The following NCK2 variants were observed in gnomAD, a reference collection of about 807,000 sequenced individuals.
The protein encoded by NCK2 is cytoplasmic protein NCK2.
In NCK2, 16 loss-of-function variants were observed where a neutral mutation model predicts 33.9. The ratio of observed to expected loss-of-function variants is 0.47; its 90% CI spans 0.32 to 0.72. The LOEUF (loss-of-function observed/expected upper bound fraction) is 0.72. Among genes scored for constraint, NCK2 ranks in the 30% least tolerant of loss-of-function variants. The pLI, the probability that NCK2 is intolerant of heterozygous loss-of-function variation, is 0.03. For synonymous variants in NCK2, 273 were observed against 239.9 expected (o/e 1.14, Z -1.27); for missense variants, 418 against 537.3 (o/e 0.78, Z 2.19).
chr2:105,780,997 T>A (rs1690476507), intron 1 of NCK2, among the ~76,000 whole-genome samples: 1 of 152,242 alleles, frequency 6.6e-6, no homozygotes, highest in Non-Finnish European at 1.5e-5. Context: ...TGACCCTCTC[T>A]TTTCTCATTG....
intron 2 of NCK2, among the ~76,000 whole-genome samples, chr2:105,826,806 A>T (rs186074463): frequency 6.6e-6 from 1 of 151,636 alleles, no homozygotes; most frequent in Admixed American, 6.6e-5. Context: ...ATATATGTGT[A>T]TATATATATA....
At chr2:105,817,670 A>G (rs1675547491) in intron 2 of NCK2, among the ~76,000 whole-genome samples, 1 of 152,242 alleles carries the variant, frequency 6.6e-6, no homozygotes, top group South Asian at 2.1e-4. Flanking sequence ...CAAAAGGCAC[A>G]TGAAAAAATG....
intron 1 of NCK2, among the ~76,000 whole-genome samples, chr2:105,795,863 G>A (rs898976993): frequency 2.0e-5 from 3 of 151,862 alleles, no homozygotes; most frequent in Admixed American, 1.3e-4. Context: ...CATCTTCCAC[G>A]CACCCTCCCC....
chr2:105,794,698 TA>T (rs1691013420), intron 1 of NCK2, among the ~76,000 whole-genome samples: 7 of 7,112 alleles, frequency 9.8e-4, no homozygotes, highest in Non-Finnish European at 3.7e-4. Context: ...TTTATTATTT[TA>T]TTTATTTATT....
intron 3 of NCK2, among the ~76,000 whole-genome samples, chr2:105,872,668 G>A (rs1678063842): frequency 6.6e-6 from 1 of 152,240 alleles, no homozygotes; most frequent in Non-Finnish European, 1.5e-5. Flanking sequence ...AAGAAATGAA[G>A]AAAGAGGTAC....
intron 2 of NCK2, among the ~76,000 whole-genome samples, chr2:105,823,073 G>A (rs1021164186): frequency 6.6e-6 from 1 of 151,752 alleles, no homozygotes; most frequent in African/African-American, 2.4e-5. Flanking sequence ...TCTCAAACTA[G>A]GAAAAGCAGA....
chr2:105,886,133 C>T (rs1678711966), intron 4 of NCK2, among the ~76,000 whole-genome samples: 1 of 152,184 alleles, frequency 6.6e-6, no homozygotes, highest in African/African-American at 2.4e-5. Context: ...GGCATCTTTC[C>T]AGTTTCAAAG....
At chr2:105,795,719 C>G (rs879505351) in intron 1 of NCK2, among the ~76,000 whole-genome samples, 2 of 152,102 alleles carry the variant, frequency 1.3e-5, no homozygotes, top group Non-Finnish European at 2.9e-5. Context: ...GACAGCTCCA[C>G]GACAAAGAAT....
chr2:105,878,412 G>A (rs1431533991), intron 3 of NCK2, among the ~76,000 whole-genome samples: 1 of 152,190 alleles, frequency 6.6e-6, no homozygotes, highest in East Asian at 1.9e-4. Flanking sequence ...TCTAACTGGT[G>A]TTCTTATAAG....
At chr2:105,825,064 G>A (rs1487691323) in intron 2 of NCK2, among the ~76,000 whole-genome samples, 1 of 152,202 alleles carries the variant, frequency 6.6e-6, no homozygotes, top group Non-Finnish European at 1.5e-5. Context: ...GGTGCTTGGG[G>A]ACGGAGTGGA....
chr2:105,878,280 C>T (rs969244392), intron 3 of NCK2, among the ~76,000 whole-genome samples: 2 of 152,220 alleles, frequency 1.3e-5, no homozygotes, highest in African/African-American at 4.8e-5. Flanking sequence ...CAGATTGCAT[C>T]TTCCTGAAAT....
chr2:105,796,138 A>C (rs1032054784), intron 1 of NCK2, among the ~76,000 whole-genome samples: 1 of 152,222 alleles, frequency 6.6e-6, no homozygotes, highest in Admixed American at 6.5e-5. Flanking sequence ...TGGAATACCA[A>C]CTTCAGGGTT....
intron 1 of NCK2, chr2:105,746,031 G>C (rs981512285): frequency 6.6e-6 from 1 of 150,464 alleles, no homozygotes; most frequent in African/African-American, 2.5e-5. Flanking sequence ...GGGGTCATTG[G>C]CTGGTGGACC....
At position 105,828,295 on chromosome 2, in the gene NCK2, C is replaced by T. The variant is rs557623291; in HGVS notation, c.-17+11682C>T. ...TTGCTGAAAATGTTTTTGCTATCAA[C>T]GAATTTCCCTGTTCCCTGCTTTGGA... On this transcript the variant is annotated intron_variant, in intron 2 of 4. Coordinates refer to ENST00000233154, the MANE Select transcript of NCK2 (RefSeq NM_003581.5). 1.2e-3 allele frequency among the ~76,000 whole-genome samples: 182 copies of T among 152,228 alleles called. 1 individual carries two copies. The highest frequency in any genetic ancestry group is 4.2e-3 in the African/African-American group (174 of 41,538).
At chr2:105,890,657 A>G (rs1454826957) in intron 4 of NCK2, among the ~76,000 whole-genome samples, 1 of 152,224 alleles carries the variant, frequency 6.6e-6, no homozygotes, top group Non-Finnish European at 1.5e-5. Flanking sequence ...AATACAAACT[A>G]TACTTACAAT....
intron 3 of NCK2, among the ~76,000 whole-genome samples, chr2:105,868,658 G>T (rs1416219687): frequency 6.6e-6 from 1 of 152,198 alleles, no homozygotes; most frequent in East Asian, 1.9e-4. Flanking sequence ...GAGAAAGGTT[G>T]GTTGTGTGGT....
intron 2 of NCK2, among the ~76,000 whole-genome samples, chr2:105,849,825 C>T (rs977077816): frequency 1.3e-5 from 2 of 152,148 alleles, no homozygotes; most frequent in African/African-American, 4.8e-5. Context: ...CATGGCCCCT[C>T]CTGACAGGTA....
intron 1 of NCK2, among the ~76,000 whole-genome samples, chr2:105,808,063 C>T (rs559186029): frequency 2.6e-5 from 4 of 152,084 alleles, no homozygotes; most frequent in Admixed American, 2.0e-4. Context: ...CCGCTATGCC[C>T]AGCTAGTTTT....
intron 3 of NCK2, among the ~76,000 whole-genome samples, chr2:105,865,102 C>G (rs1380300564): frequency 1.3e-5 from 2 of 152,142 alleles, no homozygotes; most frequent in Non-Finnish European, 2.9e-5. Flanking sequence ...TATGTGGCTT[C>G]CACCCTGAAG....
Sources: allele counts gnomAD v4.1 joint callset (sites outside exome capture counted in the v4.1 genomes callset), GRCh38; gene constraint gnomAD v4.1.1; transcripts MANE v1.5; gene names NCBI Gene and HGNC (gene_info 2026-07-23, HGNC 2026-07-21).